FOXP2: variants seen among roughly 807,000 people sequenced by gnomAD.
FOXP2 encodes the protein forkhead box protein P2.
A neutral mutation model predicts 115.8 loss-of-function variants in FOXP2; 12 were observed. The ratio of observed to expected loss-of-function variants is 0.10; its 90% CI spans 0.07 to 0.17. FOXP2 has a LOEUF of 0.17. FOXP2 is among the 10% of genes least tolerant of loss of function. The pLI is 1.00. For synonymous variants in FOXP2, 328 were observed against 297.7 expected, an observed-to-expected ratio of 1.10 and a Z score of -1.05; for missense variants, 629 against 843.5, an observed-to-expected ratio of 0.75 and a Z score of 3.15.
chr7:114,152,608 G>A (rs907893572), intron 1 of FOXP2, among the ~76,000 whole-genome samples: 13 of 152,090 alleles, frequency 8.5e-5, no homozygotes, highest in African/African-American at 1.4e-4. Context: ...CTGGAACATC[G>A]CCTACATGAA....
upstream of FOXP2, among the ~76,000 whole-genome samples, chr7:114,413,944 A>C (rs1793238093): frequency 6.6e-6 from 1 of 152,114 alleles, no homozygotes; most frequent in African/African-American, 2.4e-5. Flanking sequence ...GATGGTGTTC[A>C]GCTGAGACCT....
chr7:114,282,506 T>C (rs1796364629), intron 1 of FOXP2, among the ~76,000 whole-genome samples: 1 of 152,180 alleles, frequency 6.6e-6, no homozygotes, highest in Non-Finnish European at 1.5e-5. Context: ...TCTGTCCTGG[T>C]TTATATCTTA....
At chr7:114,209,278 G>T (rs1033297201) in intron 1 of FOXP2, among the ~76,000 whole-genome samples, 3 of 152,166 alleles carry the variant, frequency 2.0e-5, no homozygotes, top group Admixed American at 6.5e-5. Flanking sequence ...GTTTCCTGCG[G>T]CCTCTCCAGC....
upstream of FOXP2, among the ~76,000 whole-genome samples, chr7:114,412,050 T>C (rs981302234): frequency 1.3e-5 from 2 of 152,096 alleles, no homozygotes; most frequent in East Asian, 3.9e-4. Flanking sequence ...TATAGTTCAG[T>C]GGAATTGCTA....
At chr7:114,345,482 A>T (rs993015619) in intron 2 of FOXP2, among the ~76,000 whole-genome samples, 2 of 151,840 alleles carry the variant, frequency 1.3e-5, no homozygotes, top group Non-Finnish European at 2.9e-5. Flanking sequence ...TTTTCAAAGC[A>T]AATGCTAAGT....
chr7:114,220,395 A>G (rs1794591862), intron 1 of FOXP2, among the ~76,000 whole-genome samples: 1 of 152,214 alleles, frequency 6.6e-6, no homozygotes, highest in South Asian at 2.1e-4. Context: ...TCATGACTGG[A>G]ATCATGCAAT....
chr7:114,654,272 C>G (rs926215302), intron 10 of FOXP2: 3 of 737,944 alleles, frequency 4.1e-6, no homozygotes, highest in Admixed American at 6.7e-5. Context: ...GGGGCTGAAG[C>G]CAGAGAGAAT....
intron 8 of FOXP2, among the ~76,000 whole-genome samples, chr7:114,651,308 T>A (rs1016787126): frequency 1.3e-5 from 2 of 152,080 alleles, no homozygotes; most frequent in Non-Finnish European, 2.9e-5. Context: ...ATTGGTGAAA[T>A]AGATACACTA....
chr7:114,469,298 A>G (rs1288689006), intron 2 of FOXP2, among the ~76,000 whole-genome samples: 1 of 152,180 alleles, frequency 6.6e-6, no homozygotes, highest in East Asian at 1.9e-4. Context: ...TATGTCATAT[A>G]CAATATTACA....
chr7:114,430,967 G>A (rs888874822), intron 2 of FOXP2, among the ~76,000 whole-genome samples: 19 of 151,690 alleles, frequency 1.3e-4, no homozygotes, highest in Admixed American at 8.6e-4. Context: ...GTATACTCTC[G>A]TTTCTATTAA....
intron 1 of FOXP2, among the ~76,000 whole-genome samples, chr7:114,136,761 A>T (rs1351197039): frequency 6.6e-6 from 1 of 151,970 alleles, no homozygotes; most frequent in Admixed American, 6.6e-5. Flanking sequence ...TGAATTATTC[A>T]TGACTAACTT....
Position 114,631,694 on chromosome 7 carries a change from C to T in FOXP2, c.764C>T (p.Ser255Leu), listed in dbSNP as rs1054712701. The change falls in exon 6 of 17, where the codon TCG (serine) becomes TTG (leucine). Residue 255 changes from serine to leucine, a missense_variant. Ser to Leu is a moderately radical substitution (Grantham distance 145). This residue lies in a region of FOXP2 where 138 missense variants were observed against 205.1 expected (regional missense o/e 0.67). Transcript: ENST00000350908. Reference protein sequence around the residue: ...PPGQAALPVQSLPQAGLSPAE... With the variant: ...PPGQAALPVQLLPQAGLSPAE... ...GGCCAGGCAGCACTTCCTGTCCAAT[C>T]GCTGCCTCAAGGTACATACAAAATG... The T allele has an allele frequency of 4.3e-6, 7 of 1,614,060 alleles. No individual in the cohort carries two copies. Among genetic ancestry groups the T allele is most frequent in the Admixed American group, 3.3e-5 (2 of 60,008 alleles).
At chr7:114,106,298 C>A (rs1018827367) in intron 1 of FOXP2, among the ~76,000 whole-genome samples, 3 of 151,460 alleles carry the variant, frequency 2.0e-5, no homozygotes, top group African/African-American at 7.3e-5. Context: ...GGTAGATGCC[C>A]TCCCTTTAGT....
chr7:114,605,424 G>T (rs2129315568), intron 3 of FOXP2, among the ~76,000 whole-genome samples: 1 of 152,220 alleles, frequency 6.6e-6, no homozygotes, highest in East Asian at 1.9e-4. Context: ...AAAGCATTTT[G>T]CCAGATTGTA....
At chr7:114,536,494 A>G (rs190759030) in intron 3 of FOXP2, among the ~76,000 whole-genome samples, 1 of 149,624 alleles carries the variant, frequency 6.7e-6, no homozygotes, top group Admixed American at 6.7e-5. Context: ...CAAAATACCC[A>G]CAATAGAATG....
At position 114,642,810 on chromosome 7, in the gene FOXP2, ATATTTT is replaced by A. The variant is rs1319370773; in HGVS notation, c.989+189_989+194del. On this transcript the variant is annotated intron_variant, in intron 7 of 16. Transcript: ENST00000350908. Reference sequence around the variant, plus strand: ...TATATATATATATATATATATATATATATTTTTTTTTTTTTTTAGGCAGAGTCTTGC... The same window carrying A: ...TATATATATATATATATATATATATATTTTTTTTTTTAGGCAGAGTCTTGC... 1.5e-3 allele frequency among the ~76,000 whole-genome samples: 116 copies of A among 75,738 alleles called. 1 individual carries two copies. Among genetic ancestry groups the A allele is most frequent in the African/African-American group, 6.7e-3 (112 of 16,736 alleles). 49.7% of individuals were successfully genotyped at this position (75,738 alleles called of 152,430 possible).
At chr7:114,575,077 C>T (rs1801506769) in intron 3 of FOXP2, among the ~76,000 whole-genome samples, 1 of 151,790 alleles carries the variant, frequency 6.6e-6, no homozygotes, top group East Asian at 1.9e-4. Flanking sequence ...TCATCTCTCT[C>T]TTGAGGCTTT....
At chr7:114,517,758 T>A (rs1798416547) in intron 2 of FOXP2, among the ~76,000 whole-genome samples, 1 of 152,164 alleles carries the variant, frequency 6.6e-6, no homozygotes, top group South Asian at 2.1e-4. Flanking sequence ...AGCAGACAGT[T>A]GTGATGCCTC....
At chr7:114,503,640 T>A (rs529526962) in intron 2 of FOXP2, among the ~76,000 whole-genome samples, 1 of 151,162 alleles carries the variant, frequency 6.6e-6, no homozygotes, top group East Asian at 1.9e-4. Flanking sequence ...TAATTTACTT[T>A]GTTGGAATTT....
Sources: allele counts gnomAD v4.1 joint callset (sites outside exome capture counted in the v4.1 genomes callset), GRCh38; gene constraint gnomAD v4.1.1; regional missense constraint gnomAD v4.1.1; transcripts MANE v1.5; gene names NCBI Gene and HGNC (gene_info 2026-07-23, HGNC 2026-07-21).